TTLL5: variants seen among roughly 807,000 people sequenced by gnomAD.
TTLL5 encodes tubulin tyrosine ligase like 5.
Under a neutral mutation model 168.4 loss-of-function variants are expected in TTLL5, and 132 were observed. The observed-to-expected ratio is 0.78, with a 90% CI of 0.68 to 0.91. TTLL5 has a LOEUF of 0.91. Among genes scored for constraint, TTLL5 ranks in the 40% least tolerant of loss-of-function variants. TTLL5 has a pLI of 0.00. For missense variants in TTLL5, 1,545 were observed against 1,581.5 expected (o/e 0.98, Z 0.39); for synonymous variants, 546 against 558.6 (o/e 0.98, Z 0.32).
At chr14:75,911,643 T>A (rs2033391899) in intron 31 of TTLL5, among the ~76,000 whole-genome samples, 1 of 152,194 alleles carries the variant, frequency 6.6e-6, no homozygotes, top group South Asian at 2.1e-4. Flanking sequence ...TTAAGACTTG[T>A]GACAAGCCCA....
intron 31 of TTLL5, among the ~76,000 whole-genome samples, chr14:75,902,850 TG>T (rs2032982511): frequency 6.6e-6 from 1 of 152,254 alleles, no homozygotes; most frequent in Non-Finnish European, 1.5e-5. Context: ...TATTTATTAT[TG>T]AGTACCTACT....
intron 27 of TTLL5, among the ~76,000 whole-genome samples, chr14:75,807,539 A>G (rs1042893325): frequency 6.6e-6 from 1 of 152,206 alleles, no homozygotes; most frequent in South Asian, 2.1e-4. Flanking sequence ...TGTGCCAAGG[A>G]CTTTATATGC....
chr14:75,831,408 G>C (rs1356438886), intron 28 of TTLL5, among the ~76,000 whole-genome samples: 1 of 152,154 alleles, frequency 6.6e-6, no homozygotes, highest in Non-Finnish European at 1.5e-5. Context: ...TGAGAGGAAG[G>C]GGTTTTTAAA....
At chr14:75,760,659 A>G (rs1363550109) in intron 18 of TTLL5, among the ~76,000 whole-genome samples, 1 of 152,110 alleles carries the variant, frequency 6.6e-6, no homozygotes, top group African/African-American at 2.4e-5. Context: ...TTATATGGTC[A>G]AAGTAATCCA....
At chr14:75,768,253 A>T (rs973436752) in intron 20 of TTLL5, among the ~76,000 whole-genome samples, 10 of 152,312 alleles carry the variant, frequency 6.6e-5, no homozygotes, top group Middle Eastern at 3.4e-3. Context: ...ATCAGGAAGG[A>T]GTAGTATGGT....
At chr14:75,829,712 T>C (rs1895456121) in intron 28 of TTLL5, among the ~76,000 whole-genome samples, 1 of 152,106 alleles carries the variant, frequency 6.6e-6, no homozygotes, top group Non-Finnish European at 1.5e-5. Flanking sequence ...GTAAATTCAG[T>C]CCCAGGTGTA....
chr14:75,806,777 G>A (rs190422448), intron 27 of TTLL5, among the ~76,000 whole-genome samples: 1,903 of 152,224 alleles, frequency 0.013, 16 homozygotes, highest in South Asian at 0.025. Flanking sequence ...GTGCTGATTC[G>A]ACTGGACTAC....
chr14:75,925,839 A>T (rs577673957), intron 31 of TTLL5, among the ~76,000 whole-genome samples: 34 of 152,152 alleles, frequency 2.2e-4, no homozygotes, highest in African/African-American at 7.7e-4. Flanking sequence ...ACTCGCGGTT[A>T]GGAGCTGGAG....
chr14:75,865,534 G>GA (rs953228782), intron 29 of TTLL5, among the ~76,000 whole-genome samples: 4 of 150,276 alleles, frequency 2.7e-5, no homozygotes, highest in African/African-American at 4.9e-5. Flanking sequence ...ATACAAGTCA[G>GA]AAAAAAAAAC....
intron 28 of TTLL5, among the ~76,000 whole-genome samples, chr14:75,861,016 TG>T (rs1250890624): frequency 6.6e-6 from 1 of 152,208 alleles, no homozygotes; most frequent in Non-Finnish European, 1.5e-5. Context: ...AGAAGTCTCT[TG>T]GGAAAGATCA....
chr14:75,769,715 A>G (rs1158300734), intron 20 of TTLL5, among the ~76,000 whole-genome samples: 2 of 152,190 alleles, frequency 1.3e-5, no homozygotes, highest in Non-Finnish European at 2.9e-5. Flanking sequence ...TTTCTTGCTC[A>G]TTATATTGTA....
chr14:75,889,968 C>T (rs1468704419), intron 30 of TTLL5, among the ~76,000 whole-genome samples: 1 of 151,574 alleles, frequency 6.6e-6, no homozygotes, highest in Non-Finnish European at 1.5e-5. Context: ...AAGATGTACT[C>T]AAAGGTAAAT....
intron 18 of TTLL5, among the ~76,000 whole-genome samples, chr14:75,762,026 G>T (rs78299271): frequency 0.019 from 2,945 of 152,230 alleles, 134 homozygotes; most frequent in South Asian, 0.14. Flanking sequence ...AATGTTAATT[G>T]TAGAAACTAG....
chr14:75,895,866 A>G (rs1012302207), intron 30 of TTLL5, among the ~76,000 whole-genome samples: 3 of 152,224 alleles, frequency 2.0e-5, no homozygotes, highest in African/African-American at 2.4e-5. Flanking sequence ...AGTGCTTCCA[A>G]CTGTATCTGG....
chr14:75,930,060 C>T (rs2034224426), intron 31 of TTLL5, among the ~76,000 whole-genome samples: 1 of 152,146 alleles, frequency 6.6e-6, no homozygotes, highest in Non-Finnish European at 1.5e-5. Context: ...ACTAGAGTTG[C>T]GACAAAGTTT....
intron 15 of TTLL5, among the ~76,000 whole-genome samples, chr14:75,742,928 A>G (rs946414235): frequency 6.6e-6 from 1 of 152,224 alleles, no homozygotes; most frequent in Non-Finnish European, 1.5e-5. Context: ...ACTTTCCCCT[A>G]TAAACCCTCT....
At chr14:75,917,670 C>T (rs945434429) in intron 31 of TTLL5, among the ~76,000 whole-genome samples, 1 of 152,234 alleles carries the variant, frequency 6.6e-6, no homozygotes, top group Non-Finnish European at 1.5e-5. Context: ...TGCCTCTACT[C>T]CCCTGGGTGG....
chr14:75,670,488 G>T (rs76133675), intron 3 of TTLL5, among the ~76,000 whole-genome samples: 1 of 152,118 alleles, frequency 6.6e-6, no homozygotes, highest in African/African-American at 2.4e-5. Flanking sequence ...AACTTATTCC[G>T]TGTCAAACTG....
chr14:75,737,752 T>C (rs970195348), intron 15 of TTLL5: 1 of 809,360 alleles, frequency 1.2e-6, no homozygotes, highest in Non-Finnish European at 1.9e-6. Flanking sequence ...TGAAAATGAA[T>C]GCATAGAAGT....
Sources: allele counts gnomAD v4.1 joint callset (sites outside exome capture counted in the v4.1 genomes callset), GRCh38; gene constraint gnomAD v4.1.1; transcripts MANE v1.5; gene names NCBI Gene and HGNC (gene_info 2026-07-23, HGNC 2026-07-21).